The following TBCD variants were observed in gnomAD, a reference collection of about 807,000 sequenced individuals.
The protein encoded by TBCD is tubulin folding cofactor D.
Under a neutral mutation model 169.3 loss-of-function variants are expected in TBCD, and 105 were observed. That is an observed-to-expected ratio of 0.62 (90% CI 0.53 to 0.73). The LOEUF is 0.73. Among genes scored for constraint, TBCD ranks in the 30% least tolerant of loss-of-function variants. The pLI, the probability that TBCD is intolerant of heterozygous loss-of-function variation, is 0.00. For synonymous variants in TBCD, 700 were observed against 643.9 expected, an observed-to-expected ratio of 1.09 and a Z score of -1.32; for missense variants, 1,444 against 1,600.1, an observed-to-expected ratio of 0.90 and a Z score of 1.66.
chr17:82,903,109 G>C lies in TBCD; in HGVS notation c.1731-296G>C, dbSNP rs1361074443. Among the ~76,000 whole-genome samples, 1 of 152,170 alleles carries C rather than the reference G, an allele frequency of 6.6e-6. No homozygotes were observed. The highest frequency in any genetic ancestry group is 1.5e-5 in the Non-Finnish European group (1 of 68,032). Reference sequence around the variant, plus strand: ...GCTCTATCTCACACTCACAACCTCAGAGTAGCGTGGGGGTGGGGAGGCCGG... The same window carrying C: ...GCTCTATCTCACACTCACAACCTCACAGTAGCGTGGGGGTGGGGAGGCCGG... On this transcript the variant is annotated intron_variant, in intron 18 of 38. Transcript: ENST00000355528. This position sits in a 1 kb window ranked among gnomAD's most constrained non-coding sequence, Gnocchi z 4.8.
At chr17:82,836,447 G>C (rs1177805263) in intron 13 of TBCD, among the ~76,000 whole-genome samples, 1 of 152,228 alleles carries the variant, frequency 6.6e-6, no homozygotes, top group Non-Finnish European at 1.5e-5. Flanking sequence ...CTGCGTCCTC[G>C]CGAGACCGAA....
rs633017 is a variant in TBCD, at chr17:82,791,677, C to A, written c.772-6080C>A. Among the ~76,000 whole-genome samples the A allele has an allele frequency of 5.8e-3, 890 of 152,300 alleles. 8 individuals are homozygous for A. Among genetic ancestry groups the A allele is most frequent in the African/African-American group, 0.02 (846 of 41,554 alleles). ...AGCTGGAATACTGTAATGCTGCTGG[C>A]TGTTTATGGCTGTGAGGTCACTACG... On this transcript the variant is annotated intron_variant, in intron 7 of 38. Transcript: ENST00000355528.
chr17:82,879,558 G>A (rs945742652), intron 14 of TBCD, among the ~76,000 whole-genome samples: 6 of 152,178 alleles, frequency 3.9e-5, no homozygotes, highest in Non-Finnish European at 7.4e-5. Context: ...GGTCTGGGAT[G>A]CAGACAAGTC....
intron 14 of TBCD, among the ~76,000 whole-genome samples, chr17:82,883,077 G>T (rs1456025795): frequency 6.6e-5 from 10 of 152,254 alleles, no homozygotes; most frequent in Admixed American, 6.5e-4. Flanking sequence ...AGCAGAGCTG[G>T]TGAGAGGACG....
intron 1 of TBCD, 149 bp downstream of exon 1, chr17:82,752,526 C>T (rs551666145): frequency 9.2e-5 from 58 of 631,422 alleles, no homozygotes; most frequent in East Asian, 2.7e-4. Flanking sequence ...TGGTGGGGCG[C>T]GGCCTTCCTA....
At position 82,773,661 on chromosome 17, in the gene TBCD, C is replaced by T. The variant is rs113781208; in HGVS notation, c.638+1154C>T. Among the ~76,000 whole-genome samples the T allele has an allele frequency of 9.0e-3, 1,372 of 152,106 alleles. 22 individuals carry two copies. The highest frequency in any genetic ancestry group is 0.03 in the African/African-American group (1,263 of 41,500). On this transcript the variant is annotated intron_variant, in intron 6 of 38. Transcript: ENST00000355528. ...TTTGCACCACGGACCAGGAGATGGG[C>T]CTGGTGCGCCATTGTCTTCTTCCAA...
intron 13 of TBCD, chr17:82,860,455 T>C: frequency 1.0e-6 from 1 of 985,226 alleles, no homozygotes; most frequent in Non-Finnish European, 1.2e-6. Flanking sequence ...CCACGGTGGG[T>C]TTCATTAACA....
chr17:82,919,123 A>G (rs1219520825), intron 23 of TBCD, among the ~76,000 whole-genome samples: 1 of 124,464 alleles, frequency 8.0e-6, no homozygotes, highest in African/African-American at 3.6e-5. Context: ...AAAGAGAAGT[A>G]GTTTACGGGG....
chr17:82,917,900 C>T (rs1420357056), intron 23 of TBCD, among the ~76,000 whole-genome samples: 2 of 152,366 alleles, frequency 1.3e-5, no homozygotes, highest in East Asian at 3.9e-4. Flanking sequence ...CGCTCTGTCC[C>T]TCTCAGGTCT....
chr17:82,766,365 T>C lies in TBCD; in HGVS notation c.432T>C (p.His144=). The part of the protein sequence containing the change: ...DLVTIQNPKD[H]EAWETRYMLL... ...TCACAATTCAGAATCCCAAGGACCA[T>C]GAAGTGAGTGTCTCTGCCTCCCCCC... Residue 144 remains histidine (H), a synonymous_variant, in exon 4 of 39, where the codon CAT becomes CAC. Transcript: ENST00000355528. 6.2e-7 allele frequency: 1 copy of C among 1,610,266 alleles called. No homozygotes were observed. Among genetic ancestry groups the C allele is most frequent in the Non-Finnish European group, 8.5e-7 (1 of 1,177,916 alleles).
At chr17:82,921,287 C>A in intron 24 of TBCD, 3 of 560,484 alleles carry the variant, frequency 5.4e-6, no homozygotes, top group Non-Finnish European at 6.4e-6. Context: ...CTGGTATTTC[C>A]CTCAATAAGA....
chr17:82,883,983 C>CT (rs1335564375), intron 14 of TBCD, among the ~76,000 whole-genome samples, 162 bp from the exon 15 acceptor site: 1 of 152,200 alleles, frequency 6.6e-6, no homozygotes, highest in Non-Finnish European at 1.5e-5. Flanking sequence ...TCACATGTGT[C>CT]TGTCTGCAGT....
Position 82,889,554 on chromosome 17 carries a change from A to T in TBCD, c.1534-114A>T. The T allele has an allele frequency of 7.7e-7, 1 of 1,299,858 alleles. No homozygotes were observed. The highest frequency in any genetic ancestry group is 2.4e-5 in the East Asian group (1 of 41,866). 80.5% of individuals were successfully genotyped at this position (1,299,858 alleles called of 1,614,324 possible). A position where few individuals can be genotyped will look rare whatever the true frequency, so the allele number is the denominator to read the frequency against. The stretch of plus-strand genomic sequence containing the variant: ...TGTTCAGCCAACAATGAGGGCTTTT[A>T]TTTAAAAAATAAAGCCGTGGGTCAT... On this transcript the variant is annotated intron_variant, in intron 15 of 38. Coordinates refer to ENST00000355528, the MANE Select transcript of TBCD (RefSeq NM_005993.5). This position sits in a 1 kb window ranked among gnomAD's most constrained non-coding sequence, Gnocchi z 5.3.
At chr17:82,783,388 A>G (rs2049084164) in intron 7 of TBCD, among the ~76,000 whole-genome samples, 1 of 152,214 alleles carries the variant, frequency 6.6e-6, no homozygotes, top group Non-Finnish European at 1.5e-5. Flanking sequence ...TTCACATACC[A>G]CAAGTAATTT....
chr17:82,860,573 G>A, intron 13 of TBCD: 1 of 442,818 alleles, frequency 2.3e-6, no homozygotes, highest in Non-Finnish European at 3.0e-6. Context: ...GAGGAGGGCT[G>A]GCCACACTGG....
rs549040595 is a variant in TBCD, at chr17:82,788,206, C to T, written c.771+6485C>T. Among the ~76,000 whole-genome samples the T allele has an allele frequency of 6.6e-5, 10 of 152,284 alleles. No homozygotes were observed. In the East Asian group the frequency reaches 1.7e-3, roughly 26 times the overall value. ...TGAGCCGACATGGCGCCACTGCATT[C>T]CAGCCTGGGCAACAGAGCAAGACTC... On this transcript the variant is annotated intron_variant, in intron 7 of 38. Coordinates refer to ENST00000355528, the MANE Select transcript of TBCD (RefSeq NM_005993.5).
Position 82,832,852 on chromosome 17 carries a change from G to A in TBCD, c.1318+17918G>A, listed in dbSNP as rs1179122291. 6.6e-6 allele frequency among the ~76,000 whole-genome samples: 1 copy of A among 152,226 alleles called. No homozygotes were observed. The highest frequency in any genetic ancestry group is 1.5e-5 in the Non-Finnish European group (1 of 68,044). Reference sequence around the variant, plus strand: ...CTCCCCACCGTGTTTTCTGTTTTCTGAGTCTGATCTGAAAGAGTCACCTCG... The same window carrying A: ...CTCCCCACCGTGTTTTCTGTTTTCTAAGTCTGATCTGAAAGAGTCACCTCG... On this transcript the variant is annotated intron_variant, in intron 13 of 38. Coordinates refer to ENST00000355528, the MANE Select transcript of TBCD (RefSeq NM_005993.5). This position sits in a 1 kb window ranked among gnomAD's most constrained non-coding sequence, Gnocchi z 4.9.
Position 82,832,123 on chromosome 17 carries a change from A to G in TBCD, c.1318+17189A>G, listed in dbSNP as rs1299977313. The G allele has an allele frequency of 6.2e-7, 1 of 1,614,106 alleles. No homozygotes were observed. The highest frequency in any genetic ancestry group is 2.2e-5 in the East Asian group (1 of 44,868). On this transcript the variant is annotated intron_variant, in intron 13 of 38. Coordinates refer to ENST00000355528, the MANE Select transcript of TBCD (RefSeq NM_005993.5). This position sits in a 1 kb window ranked among gnomAD's most constrained non-coding sequence, Gnocchi z 4.9. ...GGCTTGCAGCTCCAGGTTTTCCTTG[A>G]TGTCTTCCCTGGCAGAGCTGTGCTG...
chr17:82,932,652 C>T lies in TBCD; in HGVS notation c.3114-6C>T. On this transcript the variant is annotated splice_polypyrimidine_tract_variant and splice_region_variant and intron_variant, in intron 33 of 38. Coordinates refer to ENST00000355528, the MANE Select transcript of TBCD (RefSeq NM_005993.5). ...TCCAGGGTCTCACAGCTCCTTCTCC[C>T]CTCAGGGTGTCCGTGCCGCTGCTGA... is the stretch of plus-strand genomic sequence containing the variant. 6.2e-7 allele frequency: 1 copy of T among 1,612,516 alleles called. No individual in the cohort carries two copies. The highest frequency in any genetic ancestry group is 8.5e-7 in the Non-Finnish European group (1 of 1,179,540).
Sources: allele counts gnomAD v4.1 joint callset (sites outside exome capture counted in the v4.1 genomes callset), GRCh38; gene constraint gnomAD v4.1.1; non-coding constraint Gnocchi (gnomAD v3.1); transcripts MANE v1.5; gene names NCBI Gene and HGNC (gene_info 2026-07-23, HGNC 2026-07-21).